Variants in ABCC1 observed in about 807,000 individuals in gnomAD.
ABCC1 encodes ATP binding cassette subfamily C member 1 (ABCC1 blood group), also known as multidrug resistance-associated protein 1.
Under a neutral mutation model 172.9 loss-of-function variants are expected in ABCC1, and 83 were observed. The ratio of observed to expected loss-of-function variants is 0.48; its 90% CI spans 0.40 to 0.58. The LOEUF is 0.58. ABCC1 is among the 20% of genes least tolerant of loss of function. The pLI is 0.00. For synonymous variants in ABCC1, 937 were observed against 825.2 expected (o/e 1.14, Z -2.32); for missense variants, 1,817 against 2,002.7 (o/e 0.91, Z 1.77).
chr16:15,981,465 C>G (rs918193381), intron 1 of ABCC1, among the ~76,000 whole-genome samples: 4 of 152,172 alleles, frequency 2.6e-5, no homozygotes, highest in Non-Finnish European at 5.9e-5. Flanking sequence ...TGACTTTTGT[C>G]CACAGGCTCA....
intron 1 of ABCC1, among the ~76,000 whole-genome samples, chr16:15,955,569 C>G (rs2045977357): frequency 6.6e-6 from 1 of 152,156 alleles, no homozygotes; most frequent in Admixed American, 6.5e-5. Context: ...CTGTCTCACT[C>G]TCCTCCAGCC....
chr16:16,049,528 T>C (rs1428262593), intron 10 of ABCC1, among the ~76,000 whole-genome samples: 1 of 152,190 alleles, frequency 6.6e-6, no homozygotes, highest in East Asian at 1.9e-4. Context: ...TTCTTCCTAA[T>C]TGATGAAAGC....
intron 5 of ABCC1, 146 bp downstream of exon 5, chr16:16,016,767 T>A: frequency 7.9e-7 from 1 of 1,259,830 alleles, no homozygotes; most frequent in Non-Finnish European, 1.1e-6. Flanking sequence ...CCCACCTACT[T>A]TACAGATGGA....
In ABCC1 at chr16:16,056,814, A is replaced by G. The variant is rs45520042; in HGVS notation, c.1677+519A>G. On this transcript the variant is annotated intron_variant, in intron 12 of 30. Transcript: ENST00000399410. Reference sequence around the variant, plus strand: ...TGTAGGAACCGTTCGTTATCTATTTACTGTGATATAAGGAGCTTGTGCCAG... The same window carrying G: ...TGTAGGAACCGTTCGTTATCTATTTGCTGTGATATAAGGAGCTTGTGCCAG... Among the ~76,000 whole-genome samples, 523 of 152,136 alleles carry G rather than the reference A, an allele frequency of 3.4e-3. 2 individuals are homozygous for G. The highest frequency in any genetic ancestry group is 0.011 in the African/African-American group (440 of 41,522).
intron 1 of ABCC1, among the ~76,000 whole-genome samples, chr16:15,954,209 C>G (rs1414891384): frequency 2.0e-5 from 3 of 151,940 alleles, no homozygotes; most frequent in African/African-American, 7.2e-5. Flanking sequence ...ACAAAACCCC[C>G]ATAGAGACGG....
intron 12 of ABCC1, among the ~76,000 whole-genome samples, chr16:16,059,116 G>A (rs1021226013): frequency 4.1e-4 from 62 of 152,192 alleles, no homozygotes; most frequent in African/African-American, 1.5e-3. Context: ...GATCCTCACT[G>A]CCTAAAGTCT....
intron 7 of ABCC1, among the ~76,000 whole-genome samples, chr16:16,041,935 A>G (rs2048992409): frequency 6.6e-6 from 1 of 152,128 alleles, no homozygotes; most frequent in African/African-American, 2.4e-5. Flanking sequence ...TGTCTCTGCT[A>G]AAAATACAAA....
intron 19 of ABCC1, among the ~76,000 whole-genome samples, chr16:16,093,285 AAT>A (rs1203269969): frequency 6.6e-6 from 1 of 151,910 alleles, no homozygotes; most frequent in Non-Finnish European, 1.5e-5. Context: ...GGTTTAGCTG[AAT>A]CTTTTGCCCA....
chr16:16,064,143 T>TGGA (rs1215999403), intron 12 of ABCC1, among the ~76,000 whole-genome samples: 2 of 152,160 alleles, frequency 1.3e-5, no homozygotes, highest in African/African-American at 4.8e-5. Context: ...GGGAGTGGGC[T>TGGA]GGAGTGTAGG....
At chr16:16,002,267 G>A (rs569668899) in intron 1 of ABCC1, among the ~76,000 whole-genome samples, 1 of 152,216 alleles carries the variant, frequency 6.6e-6, no homozygotes, top group Admixed American at 6.5e-5. Context: ...TGTAACGTAT[G>A]CTTCCTTCGA....
intron 1 of ABCC1, among the ~76,000 whole-genome samples, chr16:15,998,819 A>T (rs1056620226): frequency 9.9e-5 from 15 of 151,866 alleles, no homozygotes; most frequent in African/African-American, 3.6e-4. Context: ...TGTCCTTTAG[A>T]CTTCTTATCT....
chr16:16,027,940 C>T (rs77278556), intron 5 of ABCC1, among the ~76,000 whole-genome samples: 3,690 of 152,238 alleles, frequency 0.024, 53 homozygotes, highest in Middle Eastern at 0.051. Flanking sequence ...GTGCCAGGTA[C>T]TATTCTAAGT....
chr16:15,983,850 C>T (rs189191434), intron 1 of ABCC1, among the ~76,000 whole-genome samples: 87 of 152,280 alleles, frequency 5.7e-4, no homozygotes, highest in African/African-American at 1.8e-3. Context: ...GCCACCGCGC[C>T]TGGCCTTTAG....
chr16:16,056,146 A>G lies in ABCC1; in HGVS notation c.1528A>G (p.Asn510Asp), dbSNP rs2049643734. 1 of 1,614,024 alleles carries G rather than the reference A, an allele frequency of 6.2e-7. No individual in the cohort carries two copies. Among genetic ancestry groups the G allele is most frequent in the South Asian group, 1.1e-5 (1 of 91,082 alleles). ...GATCAAGCTGATGAACGAAATTCTC[A>G]ATGGGATCAAAGTGCTAAAGCTTTA... ...NRIKLMNEIL[N>D]GIKVLKLYAW... The change falls in exon 12 of 31, where the codon AAT (asparagine) becomes GAT (aspartate). Residue 510 changes from asparagine to aspartate, a missense_variant. Physicochemically the swap from Asn to Asp is conservative, Grantham distance 23. Transcript: ENST00000399410.
chr16:16,052,633 A>G (rs2151904310), intron 10 of ABCC1, 91 bp from the exon 11 acceptor site: 2 of 1,247,392 alleles, frequency 1.6e-6, no homozygotes, highest in Non-Finnish European at 2.3e-6. Flanking sequence ...GGTCAGCAGC[A>G]TCCACGTGGG....
intron 23 of ABCC1, among the ~76,000 whole-genome samples, chr16:16,117,716 A>G (rs1190766616): frequency 6.6e-6 from 1 of 152,108 alleles, no homozygotes; most frequent in Admixed American, 6.6e-5. Context: ...GAGCAGCCTG[A>G]CCAATATGGT....
intron 28 of ABCC1, 84 bp downstream of exon 28, chr16:16,134,592 G>C (rs1431423764): frequency 1.4e-6 from 2 of 1,393,268 alleles, no homozygotes; most frequent in Non-Finnish European, 2.0e-6. Flanking sequence ...TATATTTTTG[G>C]GGCAAACATA....
chr16:15,987,032 G>A (rs2046760522), intron 1 of ABCC1, among the ~76,000 whole-genome samples: 1 of 152,276 alleles, frequency 6.6e-6, no homozygotes, highest in African/African-American at 2.4e-5. Flanking sequence ...GGGTGTGATA[G>A]TGTGTGTCTG....
At chr16:16,008,042 C>T (rs368396050) in intron 2 of ABCC1, 50 bp downstream of exon 2, 344 of 1,461,840 alleles carry the variant, frequency 2.4e-4, no homozygotes, top group African/African-American at 2.0e-3. Flanking sequence ...TGCACCTGGA[C>T]GGGGAGTGGT....
Sources: gnomAD v4.1 joint callset for allele counts (sites outside exome capture counted in the v4.1 genomes callset) on GRCh38, gnomAD v4.1.1 for gene constraint, MANE v1.5 for transcripts, NCBI Gene and HGNC (gene_info 2026-07-23, HGNC 2026-07-21) for gene names.